Variants in CD38 observed in about 807,000 individuals in gnomAD.
CD38 encodes ADP-ribosyl cyclase/cyclic ADP-ribose hydrolase 1.
Under a neutral mutation model 36.3 loss-of-function variants are expected in CD38, and 31 were observed. The observed-to-expected ratio is 0.85, with a 90% CI of 0.64 to 1.15. The LOEUF is 1.15. Among genes scored for constraint, CD38 ranks in the 50% most tolerant of loss-of-function variants. The pLI is 0.00. For missense variants in CD38, 380 were observed against 371.9 expected (o/e 1.02, Z -0.18); for synonymous variants, 131 against 135.2 (o/e 0.97, Z 0.22).
rs1577666543 is a variant in CD38 at position 15,851,703 on chromosome 4, AAC to A, written c.*3106_*3107del. On this transcript the variant is annotated 3_prime_UTR_variant, in exon 8 of 8. Transcript: ENST00000226279. The stretch of plus-strand genomic sequence containing the variant: ...TATACAGTCATATGATACATACACA[AAC>A]ACACGCACACAAGCCTGCATACATC... The A allele has an allele frequency of 1.3e-5, 2 of 152,174 alleles. No homozygotes were observed. The highest frequency in any genetic ancestry group is 6.5e-5 in the Admixed American group (1 of 15,280). 9.4% of individuals were successfully genotyped at this position (152,174 alleles called of 1,614,324 possible).
At chr4:15,829,207 T>C (rs1467008114) in intron 3 of CD38, among the ~76,000 whole-genome samples, 1 of 152,116 alleles carries the variant, frequency 6.6e-6, no homozygotes, top group African/African-American at 2.4e-5. Context: ...ATGTATTTTG[T>C]TTTTGTTTGT....
At chr4:15,791,826 A>G (rs1723004111) in intron 1 of CD38, among the ~76,000 whole-genome samples, 1 of 90,248 alleles carries the variant, frequency 1.1e-5, no homozygotes, top group African/African-American at 1.0e-4. Flanking sequence ...CCGCCCGGCC[A>G]GCCGCCCTAT....
chr4:15,793,089 C>T (rs968206041), intron 1 of CD38, among the ~76,000 whole-genome samples: 3 of 152,068 alleles, frequency 2.0e-5, no homozygotes, highest in Admixed American at 1.3e-4. Context: ...TATCTGTTGA[C>T]TGACAGCTTG....
intron 2 of CD38, among the ~76,000 whole-genome samples, chr4:15,817,097 C>A (rs941468712): frequency 6.6e-6 from 1 of 152,162 alleles, no homozygotes. Context: ...GCCTTCATAG[C>A]CATTCTCTGG....
intron 1 of CD38, among the ~76,000 whole-genome samples, chr4:15,814,139 T>C (rs751925523): frequency 4.6e-5 from 7 of 152,228 alleles, no homozygotes; most frequent in African/African-American, 7.2e-5. Context: ...ATGATCGTCA[T>C]TCTAACTGGC....
In CD38 at chr4:15,849,603, C is replaced by T. The variant is rs374669684; in HGVS notation, c.*1001C>T. On this transcript the variant is annotated 3_prime_UTR_variant, in exon 8 of 8. Transcript: ENST00000226279. The stretch of plus-strand genomic sequence containing the variant: ...AAAATATACTTGTTGCTGGTACTGG[C>T]AGCTTATATTTTCTCTCTTTTTTCA... 6.6e-6 allele frequency: 1 copy of T among 152,132 alleles called. No homozygotes were observed. The highest frequency in any genetic ancestry group is 2.4e-5 in the African/African-American group (1 of 41,426). The allele number at this position is 152,132 out of a possible 1,614,324, so 9.4% of individuals were successfully genotyped here. A position where few individuals can be genotyped will look rare whatever the true frequency, so the allele number is the denominator to read the frequency against.
intron 2 of CD38, among the ~76,000 whole-genome samples, chr4:15,820,757 AC>A (rs1282872418): frequency 1.3e-5 from 2 of 152,324 alleles, no homozygotes; most frequent in East Asian, 3.9e-4. Flanking sequence ...TTAACATCCC[AC>A]TGTCAATATT....
chr4:15,803,476 G>A (rs997774945), intron 1 of CD38, among the ~76,000 whole-genome samples: 7 of 152,096 alleles, frequency 4.6e-5, no homozygotes, highest in South Asian at 2.1e-4. Context: ...CTGAACAGAC[G>A]TTTCTCAAAA....
Position 15,778,708 on chromosome 4 carries a change from G to C in CD38, c.233+61G>C. ...CGGGGACAGCAGGGCCCCGCGCGCAGGGAAGCCGCCCGGATCGCCCGGAAC... is the reference window on the plus strand; with the variant it reads ...CGGGGACAGCAGGGCCCCGCGCGCACGGAAGCCGCCCGGATCGCCCGGAAC... On this transcript the variant is annotated intron_variant, in intron 1 of 7. Transcript: ENST00000226279. The surrounding 1 kb of genome is among the most constrained non-coding windows in gnomAD (Gnocchi z 4.9). 1 of 1,233,846 alleles carries C rather than the reference G, an allele frequency of 8.1e-7. No homozygotes were observed. Among genetic ancestry groups the C allele is most frequent in the Non-Finnish European group, 1.2e-6 (1 of 858,084 alleles). 76.4% of individuals were successfully genotyped at this position (1,233,846 alleles called of 1,614,324 possible).
intron 2 of CD38, among the ~76,000 whole-genome samples, chr4:15,824,564 A>C (rs1249311916): frequency 1.3e-5 from 2 of 151,904 alleles, no homozygotes; most frequent in African/African-American, 4.8e-5. Flanking sequence ...GAATATCGTA[A>C]CTCTCTGATG....
At chr4:15,833,384 A>C (rs1215527060) in intron 3 of CD38, among the ~76,000 whole-genome samples, 1 of 152,210 alleles carries the variant, frequency 6.6e-6, no homozygotes, top group Non-Finnish European at 1.5e-5. Flanking sequence ...TATTTTCATG[A>C]AAACATATAT....
At chr4:15,816,709 A>G in intron 2 of CD38, 69 bp downstream of exon 2, 4 of 1,507,524 alleles carry the variant, frequency 2.7e-6, no homozygotes, top group Non-Finnish European at 3.7e-6. Flanking sequence ...CATAGGTCCA[A>G]ATTTTTATTA....
In CD38 at chr4:15,848,684, G is replaced by A. The variant is rs1027206486; in HGVS notation, c.*82G>A. 3 of 1,181,938 alleles carry A rather than the reference G, an allele frequency of 2.5e-6. No individual in the cohort carries two copies. In the African/African-American group the frequency reaches 4.5e-5, roughly 18 times the overall value. 73.2% of individuals were successfully genotyped at this position (1,181,938 alleles called of 1,614,324 possible). On this transcript the variant is annotated 3_prime_UTR_variant, in exon 8 of 8. Coordinates refer to ENST00000226279, the MANE Select transcript of CD38 (RefSeq NM_001775.4). ...ATGACTCAGCATACCTGCTGGTGCA[G>A]AGCTGAAGATTTTGGAGGGTCCTCC...
rs907930371 is a variant in CD38 at position 15,852,727 on chromosome 4, G to C, written c.*4125G>C. ...GTAGGCAGCTGAGAGGTGCTGCCCA[G>C]AGAAGTGGTGATTAGCTTGGCCTTA... is the stretch of plus-strand genomic sequence containing the variant. On this transcript the variant is annotated 3_prime_UTR_variant, in exon 8 of 8. Coordinates refer to ENST00000226279, the MANE Select transcript of CD38 (RefSeq NM_001775.4). 2 of 151,750 alleles carry C rather than the reference G, an allele frequency of 1.3e-5. No homozygotes were observed. Among genetic ancestry groups the C allele is most frequent in the Non-Finnish European group, 2.9e-5 (2 of 67,964 alleles). 9.4% of individuals were successfully genotyped at this position (151,750 alleles called of 1,614,324 possible).
rs543837344 is a variant in CD38, at chr4:15,849,125, G to C, written c.*523G>C. On this transcript the variant is annotated 3_prime_UTR_variant, in exon 8 of 8. Coordinates refer to ENST00000226279, the MANE Select transcript of CD38 (RefSeq NM_001775.4). ...ATTCTGTAGGATATAAGCTACCCAC[G>C]TACTTGGTGCTTTACCCCAACCCTT... 2 of 152,508 alleles carry C rather than the reference G, an allele frequency of 1.3e-5. No homozygotes were observed. Among genetic ancestry groups the C allele is most frequent in the South Asian group, 4.1e-4 (2 of 4,828 alleles). 9.4% of individuals were successfully genotyped at this position (152,508 alleles called of 1,614,324 possible). A position where few individuals can be genotyped will look rare whatever the true frequency, so the allele number is the denominator to read the frequency against.
intron 2 of CD38, among the ~76,000 whole-genome samples, chr4:15,823,711 G>C (rs1446174273): frequency 6.6e-6 from 1 of 152,198 alleles, no homozygotes; most frequent in Non-Finnish European, 1.5e-5. Context: ...TTACACTGTT[G>C]GTGGGAATGT....
At chr4:15,809,646 A>C (rs1241120003) in intron 1 of CD38, among the ~76,000 whole-genome samples, 2 of 152,156 alleles carry the variant, frequency 1.3e-5, no homozygotes, top group Non-Finnish European at 2.9e-5. Flanking sequence ...AGGAAGGAGC[A>C]AATCACCGGC....
chr4:15,803,541 T>G (rs1194350804), intron 1 of CD38, among the ~76,000 whole-genome samples: 3 of 152,166 alleles, frequency 2.0e-5, no homozygotes, highest in Non-Finnish European at 4.4e-5. Flanking sequence ...TGACTAATGA[T>G]TAGGGAAATG....
intron 1 of CD38, among the ~76,000 whole-genome samples, chr4:15,794,560 A>G (rs1330394507): frequency 2.0e-5 from 3 of 152,176 alleles, no homozygotes; most frequent in African/African-American, 7.2e-5. Flanking sequence ...TTGGAAATTG[A>G]CCAATGGATC....
Sources: gnomAD v4.1 joint callset for allele counts (sites outside exome capture counted in the v4.1 genomes callset) on GRCh38, gnomAD v4.1.1 for gene constraint, Gnocchi (gnomAD v3.1) non-coding constraint, MANE v1.5 for transcripts, NCBI Gene and HGNC (gene_info 2026-07-23, HGNC 2026-07-21) for gene names.